PTPN4: variants seen among roughly 807,000 people sequenced by gnomAD.
PTPN4 encodes the protein protein tyrosine phosphatase non-receptor type 4.
A neutral mutation model predicts 135.5 loss-of-function variants in PTPN4; 49 were observed. The observed-to-expected ratio is 0.36, with a 90% confidence interval of 0.29 to 0.46. The LOEUF is 0.46. PTPN4 is among the 20% of genes least tolerant of loss of function. The probability of loss-of-function intolerance (pLI) is 1.00; values close to 1 mark genes in which losing one functional copy is unlikely to be tolerated. For missense variants in PTPN4, 860 were observed against 1,101.0 expected (o/e 0.78, Z 3.10); for synonymous variants, 333 against 369.9 (o/e 0.90, Z 1.14).
chr2:119,765,777 C>T (rs1448934465), intron 1 of PTPN4, among the ~76,000 whole-genome samples: 7 of 152,104 alleles, frequency 4.6e-5, no homozygotes, highest in Non-Finnish European at 7.4e-5. Context: ...TGGAATTGAT[C>T]TGGGTAGAGA....
chr2:119,976,032 G>C (rs1679612099), intron 26 of PTPN4, among the ~76,000 whole-genome samples: 1 of 128,434 alleles, frequency 7.8e-6, no homozygotes, highest in African/African-American at 3.0e-5. Context: ...GTCTCGTTCT[G>C]TTGCCCAGGC....
intron 25 of PTPN4, among the ~76,000 whole-genome samples, chr2:119,966,255 G>C (rs1053265899): frequency 2.6e-5 from 4 of 151,928 alleles, no homozygotes; most frequent in African/African-American, 9.7e-5. Context: ...ACCTCCAAAA[G>C]GTCCCACCTT....
intron 3 of PTPN4, among the ~76,000 whole-genome samples, chr2:119,870,240 T>C (rs1677890961): frequency 6.6e-6 from 1 of 152,208 alleles, no homozygotes; most frequent in African/African-American, 2.4e-5. Context: ...ATCACGTTTT[T>C]TTTAAAACCC....
At chr2:119,774,855 T>G (rs1256202353) in intron 1 of PTPN4, among the ~76,000 whole-genome samples, 2 of 151,502 alleles carry the variant, frequency 1.3e-5, no homozygotes, top group Admixed American at 6.6e-5. Flanking sequence ...TGAAACCCCG[T>G]CTACTAAAAA....
intron 1 of PTPN4, among the ~76,000 whole-genome samples, chr2:119,790,183 A>T (rs1691119050): frequency 6.6e-6 from 1 of 151,344 alleles, no homozygotes; most frequent in East Asian, 1.9e-4. Flanking sequence ...GATTCTATAT[A>T]TTTTTTTTGT....
chr2:119,906,006 T>C (rs976433134), intron 10 of PTPN4, among the ~76,000 whole-genome samples: 54 of 152,012 alleles, frequency 3.6e-4, no homozygotes, highest in African/African-American at 1.3e-3. Flanking sequence ...ATCAGAAAAG[T>C]AGAAAGAGCT....
rs368459051 is a variant in PTPN4, at chr2:119,965,659, C to T, written c.2558+14C>T. The T allele has an allele frequency of 1.6e-5, 26 of 1,609,308 alleles. 1 individual carries two copies. Among genetic ancestry groups the T allele is most frequent in the African/African-American group, 1.1e-4 (8 of 74,694 alleles). On this transcript the variant is annotated intron_variant, in intron 25 of 26. Transcript: ENST00000263708. Reference sequence around the variant, plus strand: ...TGTCCATTGCAGGTACTCTGTTTTCCGTCTTTTATGAGTGTATAGCTGAAC... The same window carrying T: ...TGTCCATTGCAGGTACTCTGTTTTCTGTCTTTTATGAGTGTATAGCTGAAC...
At chr2:119,775,111 A>G (rs1400444022) in intron 1 of PTPN4, among the ~76,000 whole-genome samples, 3 of 84,478 alleles carry the variant, frequency 3.6e-5, no homozygotes, top group South Asian at 4.9e-4. Context: ...AAAAAAAAAA[A>G]AAAAAAAAAA....
At chr2:119,887,553 A>G (rs1211408174) in intron 9 of PTPN4, among the ~76,000 whole-genome samples, 1 of 152,158 alleles carries the variant, frequency 6.6e-6, no homozygotes, top group Admixed American at 6.5e-5. Flanking sequence ...TGATTTTTGT[A>G]TATGGTAAGA....
At chr2:119,894,055 C>T (rs1018933819) in intron 9 of PTPN4, among the ~76,000 whole-genome samples, 1 of 152,164 alleles carries the variant, frequency 6.6e-6, no homozygotes, top group African/African-American at 2.4e-5. Flanking sequence ...TTAATCCTTA[C>T]AACAGCCTTG....
intron 3 of PTPN4, among the ~76,000 whole-genome samples, chr2:119,866,807 C>T (rs1468458570): frequency 6.6e-6 from 1 of 152,108 alleles, no homozygotes; most frequent in Non-Finnish European, 1.5e-5. Flanking sequence ...TGCTAAAATG[C>T]TTAAATCTAT....
At chr2:119,817,689 T>A (rs1410013931) in intron 2 of PTPN4, among the ~76,000 whole-genome samples, 1 of 152,200 alleles carries the variant, frequency 6.6e-6, no homozygotes, top group Admixed American at 6.5e-5. Flanking sequence ...TAGTTTTCTC[T>A]AGTTCTTTGA....
chr2:119,945,515 AT>A (rs1325296307), intron 16 of PTPN4, among the ~76,000 whole-genome samples: 5 of 152,174 alleles, frequency 3.3e-5, no homozygotes, highest in Non-Finnish European at 5.9e-5. Flanking sequence ...AACTAGTCAG[AT>A]TTTTTCCTTC....
chr2:119,930,284 A>G (rs192581655), intron 13 of PTPN4, among the ~76,000 whole-genome samples: 1 of 152,286 alleles, frequency 6.6e-6, no homozygotes, highest in Admixed American at 6.5e-5. Flanking sequence ...TAAAATGCCT[A>G]CAAGATTTTT....
At chr2:119,903,021 C>G (rs1276699236) in intron 10 of PTPN4, among the ~76,000 whole-genome samples, 1 of 152,164 alleles carries the variant, frequency 6.6e-6, no homozygotes, top group Non-Finnish European at 1.5e-5. Context: ...CCCTCCATGT[C>G]CACACAGAGG....
intron 1 of PTPN4, chr2:119,771,347 T>C (rs1690730845): frequency 6.6e-6 from 1 of 152,218 alleles, no homozygotes; most frequent in South Asian, 2.1e-4. Context: ...TATAAATCCT[T>C]ATTGTCTGAA....
chr2:119,868,737 T>G (rs1251733079), intron 3 of PTPN4, among the ~76,000 whole-genome samples: 1 of 152,240 alleles, frequency 6.6e-6, no homozygotes, highest in African/African-American at 2.4e-5. Flanking sequence ...GGCCCATCCC[T>G]TCGTTTCCCA....
At chr2:119,838,838 C>T (rs1165962532) in intron 2 of PTPN4, among the ~76,000 whole-genome samples, 1 of 152,220 alleles carries the variant, frequency 6.6e-6, no homozygotes, top group African/African-American at 2.4e-5. Context: ...TTCACTCATT[C>T]AGTTATTCAA....
intron 2 of PTPN4, among the ~76,000 whole-genome samples, chr2:119,837,398 T>C (rs1677311721): frequency 6.6e-6 from 1 of 151,126 alleles, no homozygotes; most frequent in African/African-American, 2.4e-5. Flanking sequence ...ATAGGTCTCC[T>C]CTCCACCGAG....
Sources: gnomAD v4.1 joint callset for allele counts (sites outside exome capture counted in the v4.1 genomes callset) on GRCh38, gnomAD v4.1.1 for gene constraint, MANE v1.5 for transcripts, NCBI Gene and HGNC (gene_info 2026-07-23, HGNC 2026-07-21) for gene names.